Variants in SIK3 observed in about 807,000 individuals in gnomAD.
The protein encoded by SIK3 is serine/threonine-protein kinase SIK3.
In SIK3, 28 loss-of-function variants were observed where a neutral mutation model predicts 144.2. That is an observed-to-expected ratio of 0.19 (90% CI 0.14 to 0.27). The LOEUF (loss-of-function observed/expected upper bound fraction) is 0.27. Ranked by LOEUF, SIK3 falls within the 10% of genes least tolerant of loss-of-function variation. The pLI, the probability that SIK3 is intolerant of heterozygous loss-of-function variation, is 1.00. For synonymous variants in SIK3, 686 were observed against 676.3 expected (o/e 1.01, Z -0.22); for missense variants, 1,319 against 1,776.0 (o/e 0.74, Z 4.62).
chr11:117,013,710 C>T (rs1020012824), intron 1 of SIK3, among the ~76,000 whole-genome samples: 1 of 151,548 alleles, frequency 6.6e-6, no homozygotes, highest in African/African-American at 2.4e-5. Context: ...AAAAAAAATG[C>T]TTCCAGTGCT....
chr11:117,024,633 C>T (rs1300487758), intron 1 of SIK3, among the ~76,000 whole-genome samples: 1 of 152,168 alleles, frequency 6.6e-6, no homozygotes, highest in East Asian at 1.9e-4. Context: ...GGCATGGTAG[C>T]TCACACCTGT....
At chr11:116,929,855 A>G (rs1033015652) in intron 3 of SIK3, among the ~76,000 whole-genome samples, 1 of 152,220 alleles carries the variant, frequency 6.6e-6, no homozygotes, top group Non-Finnish European at 1.5e-5. Flanking sequence ...ATAGAGCACA[A>G]AGTCCTTCAG....
At chr11:116,923,589 T>C (rs989469104) in intron 4 of SIK3, among the ~76,000 whole-genome samples, 5 of 152,216 alleles carry the variant, frequency 3.3e-5, no homozygotes, top group African/African-American at 1.2e-4. Context: ...TGAGTAACGA[T>C]GGCATATAAG....
intron 1 of SIK3, among the ~76,000 whole-genome samples, chr11:117,065,971 ATTTC>A (rs1192012572): frequency 6.6e-6 from 1 of 151,384 alleles, no homozygotes; most frequent in Non-Finnish European, 1.5e-5. Flanking sequence ...CTGAGCCAAT[ATTTC>A]TTTATTTATT....
intron 1 of SIK3, among the ~76,000 whole-genome samples, chr11:117,036,562 G>C (rs1409408347): frequency 6.6e-6 from 1 of 152,168 alleles, no homozygotes; most frequent in Non-Finnish European, 1.5e-5. Context: ...TTAGAGCTGA[G>C]AATAGCTTCT....
chr11:117,021,453 T>C (rs4420301), intron 1 of SIK3, among the ~76,000 whole-genome samples: 2 of 152,238 alleles, frequency 1.3e-5, no homozygotes, highest in Non-Finnish European at 2.9e-5. Flanking sequence ...CGTAGCACGC[T>C]GATGAGGTAA....
At chr11:116,926,967 G>A (rs1475099240) in intron 4 of SIK3, among the ~76,000 whole-genome samples, 1 of 147,956 alleles carries the variant, frequency 6.8e-6, no homozygotes, top group Non-Finnish European at 1.5e-5. Flanking sequence ...GCTGCAGTGA[G>A]TCAAGACTGC....
rs1366625028 is a variant in SIK3, at chr11:116,867,810, G to A, written c.1952+136C>T. On this transcript the variant is annotated intron_variant, in intron 15 of 24. Transcript: ENST00000445177. This position sits in a 1 kb window ranked among gnomAD's most constrained non-coding sequence, Gnocchi z 4.1. Reference sequence around the variant, plus strand: ...TGTGCATTGCTTACTGCAAGGAGCTGAGAAGATGTGAGTTCAGGATGACAG... The same window carrying A: ...TGTGCATTGCTTACTGCAAGGAGCTAAGAAGATGTGAGTTCAGGATGACAG... 2 of 888,116 alleles carry A rather than the reference G, an allele frequency of 2.3e-6. No individual in the cohort carries two copies. Among genetic ancestry groups the A allele is most frequent in the South Asian group, 1.9e-5 (1 of 51,606 alleles). 55.0% of individuals were successfully genotyped at this position (888,116 alleles called of 1,614,324 possible). A position where few individuals can be genotyped will look rare whatever the true frequency, so the allele number is the denominator to read the frequency against.
intron 2 of SIK3, 77 bp downstream of exon 2, chr11:116,956,871 C>G: frequency 1.2e-6 from 1 of 820,550 alleles, no homozygotes; most frequent in Non-Finnish European, 1.8e-6. Flanking sequence ...TTCACCCACC[C>G]ACATTTCTTC....
At position 116,860,992 on chromosome 11, in the gene SIK3, T is replaced by A. The variant is rs151261100; in HGVS notation, c.2425+282A>T. 2.1e-3 allele frequency among the ~76,000 whole-genome samples: 317 copies of A among 152,260 alleles called. 1 individual carries two copies. Among genetic ancestry groups the A allele is most frequent in the African/African-American group, 7.3e-3 (305 of 41,548 alleles). On this transcript the variant is annotated intron_variant, in intron 19 of 24. Coordinates refer to ENST00000445177, the MANE Select transcript of SIK3 (RefSeq NM_001366686.3). ...CTCCCCAGCCATGTGGAACTGTGAG[T>A]CAATTAAACCTCTTTCCTTTATCAA...
chr11:117,013,578 G>A (rs1226840832), intron 1 of SIK3, among the ~76,000 whole-genome samples: 1 of 151,998 alleles, frequency 6.6e-6, no homozygotes, highest in East Asian at 1.9e-4. Flanking sequence ...GTAAATCAAA[G>A]CTGTTAAACT....
At chr11:117,078,838 T>C (rs934235624) in intron 1 of SIK3, among the ~76,000 whole-genome samples, 3 of 152,224 alleles carry the variant, frequency 2.0e-5, no homozygotes, top group African/African-American at 7.2e-5. Flanking sequence ...AACACAATCA[T>C]CTCGATACCT....
Position 116,868,055 on chromosome 11 carries a change from C to A in SIK3, c.1843G>T (p.Ala615Ser). The A allele has an allele frequency of 6.4e-7, 1 of 1,550,614 alleles. No homozygotes were observed. ...LANRSKRHTL[A>S]MTNPTAEIPP... ...ATCTCAGCTGTAGGGTTGGTCATGG[C>A]CAGTGTATGTCTTTTGGACCTATTT... The change falls in exon 15 of 25, where the codon GCC becomes TCC. Residue 615 changes from alanine to serine, a missense_variant. Around this residue, in one of 8 missense-constraint regions of SIK3, gnomAD observed 167 missense variants for 263.3 expected, o/e 0.63. Coordinates refer to ENST00000445177, the MANE Select transcript of SIK3 (RefSeq NM_001366686.3).
At position 117,074,224 on chromosome 11, in the gene SIK3, C is replaced by A. The variant is rs568636205; in HGVS notation, c.273+23919G>T. On this transcript the variant is annotated intron_variant, in intron 1 of 24. Coordinates refer to ENST00000445177, the MANE Select transcript of SIK3 (RefSeq NM_001366686.3). ...TTATGTCCCTGTAACAGGCTGATGT[C>A]CAGTTCCACTTACTCCTAGCAAACA... 2.0e-3 allele frequency among the ~76,000 whole-genome samples: 307 copies of A among 152,308 alleles called. 3 individuals are homozygous for A. Among genetic ancestry groups the A allele is most frequent in the African/African-American group, 6.9e-3 (286 of 41,564 alleles).
At chr11:116,848,408 T>C (rs1169167887) in intron 22 of SIK3, among the ~76,000 whole-genome samples, 1 of 152,186 alleles carries the variant, frequency 6.6e-6, no homozygotes, top group African/African-American at 2.4e-5. Flanking sequence ...GAATTTTAAA[T>C]TGTTTTTAAT....
chr11:117,090,643 AACTACGTAAGGCAG>A (rs1320905078), intron 1 of SIK3, among the ~76,000 whole-genome samples: 1 of 152,210 alleles, frequency 6.6e-6, no homozygotes, highest in African/African-American at 2.4e-5. Flanking sequence ...GACATGAGAA[AACTACGTAAGGCAG>A]ACTACTTTTA....
intron 1 of SIK3, among the ~76,000 whole-genome samples, chr11:117,067,891 G>A (rs555127390): frequency 1.1e-3 from 165 of 152,226 alleles, no homozygotes; most frequent in Non-Finnish European, 1.8e-3. Context: ...GGAGGTTGAG[G>A]CAGAATCGCT....
chr11:116,859,572 G>A lies in SIK3; in HGVS notation c.2458C>T (p.Pro820Ser), dbSNP rs774882185. 6 of 1,614,110 alleles carry A rather than the reference G, an allele frequency of 3.7e-6. No individual in the cohort carries two copies. The South Asian group carries it at 4.4e-5, about 12-fold the overall frequency. Residue 820 changes from proline (P) to serine (S), a missense_variant, in exon 20 of 25, where the codon CCT (proline) becomes TCT (serine). Physicochemically the swap from Pro to Ser is moderately conservative, Grantham distance 74 (BLOSUM62 -1). Around this residue, in one of 8 missense-constraint regions of SIK3, gnomAD observed 646 missense variants for 763.7 expected, o/e 0.85. Coordinates refer to ENST00000445177, the MANE Select transcript of SIK3 (RefSeq NM_001366686.3). ...AASSSQFQGL[P>S]SRSAIFQQQP... is the part of the protein sequence containing the mutation. ...TGCTGAAAGATTGCACTGCGGGAAG[G>A]TAAGCCTTGAAACTGGGAAGAAGAT...
Position 117,063,585 on chromosome 11 carries a change from T to TC in SIK3, c.273+34557dup, listed in dbSNP as rs1953891172. Among the ~76,000 whole-genome samples, 6 of 150,536 alleles carry TC rather than the reference T, an allele frequency of 4.0e-5. No homozygotes were observed. In the South Asian group the frequency reaches 1.3e-3, roughly 31 times the overall value. ...CAGGCTTTAACTTCTTAATGAAGTT[T>TC]CTTTTTTTTTTTTTTTTTTAGATGG... On this transcript the variant is annotated intron_variant, in intron 1 of 24. Coordinates refer to ENST00000445177, the MANE Select transcript of SIK3 (RefSeq NM_001366686.3).
Sources: allele counts gnomAD v4.1 joint callset (sites outside exome capture counted in the v4.1 genomes callset), GRCh38; gene constraint gnomAD v4.1.1; regional missense constraint gnomAD v4.1.1; non-coding constraint Gnocchi (gnomAD v3.1); transcripts MANE v1.5; gene names NCBI Gene and HGNC (gene_info 2026-07-23, HGNC 2026-07-21).